Variants in DNM3 observed in about 807,000 individuals in gnomAD.
DNM3 encodes the protein dynamin-3.
A neutral mutation model predicts 101.6 loss-of-function variants in DNM3; 47 were observed. That is an observed-to-expected ratio of 0.46 (90% CI 0.37 to 0.59). The LOEUF is 0.59. Ranked by LOEUF, DNM3 falls within the 20% of genes least tolerant of loss-of-function variation. DNM3 has a pLI of 0.00. For synonymous variants in DNM3, 385 were observed against 387.9 expected, an observed-to-expected ratio of 0.99 and a Z score of 0.09; for missense variants, 849 against 1,085.7, an observed-to-expected ratio of 0.78 and a Z score of 3.06.
rs1051583712 is a variant in DNM3 at position 172,412,568 on chromosome 1, G to C, written c.*4727G>C. 2 of 985,538 alleles carry C rather than the reference G, an allele frequency of 2.0e-6. No homozygotes were observed. Among genetic ancestry groups the C allele is most frequent in the Non-Finnish European group, 2.4e-6 (2 of 829,878 alleles). 61.0% of individuals were successfully genotyped at this position (985,538 alleles called of 1,614,324 possible). The stretch of plus-strand genomic sequence containing the variant: ...TTCCACTGTCTTCTTGGCACTTTCA[G>C]GATTTCTTAATGCTGATATATGGAC... On this transcript the variant is annotated 3_prime_UTR_variant, in exon 21 of 21. Transcript: ENST00000627582.
intron 15 of DNM3, among the ~76,000 whole-genome samples, chr1:172,300,382 T>A (rs2064384120): frequency 6.6e-6 from 1 of 152,198 alleles, no homozygotes; most frequent in Admixed American, 6.5e-5. Context: ...GTCTAGGAGA[T>A]CTTTCGTTTA....
intron 17 of DNM3, among the ~76,000 whole-genome samples, chr1:172,325,457 A>C (rs41481754): frequency 0.55 from 83,293 of 151,786 alleles, 23,839 homozygotes; most frequent in African/African-American, 0.71. Flanking sequence ...GTTATGAATA[A>C]GTGATAGTTT....
intron 2 of DNM3, among the ~76,000 whole-genome samples, chr1:171,935,367 G>A (rs1033201835): frequency 2.0e-5 from 3 of 152,140 alleles, no homozygotes; most frequent in East Asian, 1.9e-4. Context: ...AGGAAATCAC[G>A]TAGTATTGTG....
chr1:172,222,942 A>G (rs537810127), intron 14 of DNM3, among the ~76,000 whole-genome samples: 1 of 152,066 alleles, frequency 6.6e-6, no homozygotes, highest in South Asian at 2.1e-4. Flanking sequence ...TTTAAGTGTT[A>G]TTTTGTTTTT....
At chr1:172,386,914 G>A in intron 18 of DNM3, 1 of 501,492 alleles carries the variant, frequency 2.0e-6, no homozygotes, top group Non-Finnish European at 3.6e-6. Flanking sequence ...ATCCTTCAGT[G>A]TGGACAGCCA....
Position 172,081,897 on chromosome 1 carries a change from C to T in DNM3, c.1488C>T (p.Phe496=), listed in dbSNP as rs761287101. The change falls in exon 12 of 21, where the codon TTC becomes TTT. Residue 496 remains phenylalanine, a synonymous_variant. Transcript: ENST00000627582. ...INTNHEDFIG[F]ANAQQRSSQV... ...CCAACCATGAAGACTTCATTGGCTTCGCAAAGTACGTGAAACACTTGATGG... is the reference window on the plus strand; with the variant it reads ...CCAACCATGAAGACTTCATTGGCTTTGCAAAGTACGTGAAACACTTGATGG... 7.4e-6 allele frequency: 12 copies of T among 1,612,652 alleles called. No individual in the cohort carries two copies. Among genetic ancestry groups the T allele is most frequent in the Admixed American group, 3.3e-5 (2 of 59,872 alleles).
rs1168270400 is a variant in DNM3 at position 172,409,206 on chromosome 1, T to A, written c.*1365T>A. The A allele has an allele frequency of 3.0e-6, 3 of 985,230 alleles. No individual in the cohort carries two copies. The highest frequency in any genetic ancestry group is 3.6e-6 in the Non-Finnish European group (3 of 829,890). 61.0% of individuals were successfully genotyped at this position (985,230 alleles called of 1,614,324 possible). A position where few individuals can be genotyped will look rare whatever the true frequency, so the allele number is the denominator to read the frequency against. On this transcript the variant is annotated 3_prime_UTR_variant, in exon 21 of 21. Transcript: ENST00000627582. ...TGTTCCCAGACAGCAGAGCAAGTATTCACTGAGTAGGGGTGTCCCATGACA... is the reference window on the plus strand; with the variant it reads ...TGTTCCCAGACAGCAGAGCAAGTATACACTGAGTAGGGGTGTCCCATGACA...
intron 14 of DNM3, among the ~76,000 whole-genome samples, chr1:172,218,922 C>T (rs650169): frequency 0.073 from 11,135 of 152,194 alleles, 711 homozygotes; most frequent in South Asian, 0.23. Context: ...CTTCTCATCA[C>T]ACCTTCTTCA....
Position 171,876,761 on chromosome 1 carries a change from T to C in DNM3, c.161+34944T>C, listed in dbSNP as rs2035824328. 2.6e-5 allele frequency among the ~76,000 whole-genome samples: 4 copies of C among 152,226 alleles called. No individual in the cohort carries two copies. The South Asian group carries it at 8.3e-4, about 32-fold the overall frequency. On this transcript the variant is annotated intron_variant, in intron 1 of 20. Transcript: ENST00000627582. ...ACAATTACTACTAAAGTACTGTGTT[T>C]GGGGATGAAAGGTTGTTATTCGAAT...
chr1:172,000,051 G>C (rs941369243), intron 4 of DNM3, among the ~76,000 whole-genome samples: 1 of 152,072 alleles, frequency 6.6e-6, no homozygotes, highest in African/African-American at 2.4e-5. Context: ...AATTAATTCA[G>C]GTGGTGTCTA....
At chr1:172,036,221 G>A (rs1572192626) in intron 6 of DNM3, among the ~76,000 whole-genome samples, 1 of 133,924 alleles carries the variant, frequency 7.5e-6, no homozygotes, top group Non-Finnish European at 1.5e-5. Context: ...TGTTCTCATT[G>A]TTCAATTCCC....
chr1:172,303,827 G>A (rs571607881), intron 15 of DNM3, among the ~76,000 whole-genome samples: 2 of 152,208 alleles, frequency 1.3e-5, no homozygotes, highest in Admixed American at 6.5e-5. Flanking sequence ...ACAAGCAAAT[G>A]CTGAGAGATT....
intron 1 of DNM3, among the ~76,000 whole-genome samples, chr1:171,845,295 C>A (rs925110758): frequency 6.6e-6 from 1 of 152,186 alleles, no homozygotes; most frequent in African/African-American, 2.4e-5. Flanking sequence ...ATGCTTATAA[C>A]CCCAGTATTT....
intron 17 of DNM3, among the ~76,000 whole-genome samples, chr1:172,357,665 A>G (rs1282729549): frequency 1.3e-5 from 2 of 152,116 alleles, no homozygotes; most frequent in East Asian, 3.9e-4. Context: ...TACAATGTCA[A>G]TTTCCTTATC....
intron 14 of DNM3, among the ~76,000 whole-genome samples, chr1:172,195,359 G>T (rs598562): frequency 0.5 from 75,629 of 151,476 alleles, 20,884 homozygotes; most frequent in African/African-American, 0.74. Context: ...CACAATTATG[G>T]CACCTTCAAA....
chr1:172,092,579 A>G (rs1408639511), intron 12 of DNM3, among the ~76,000 whole-genome samples: 1 of 152,198 alleles, frequency 6.6e-6, no homozygotes, highest in Non-Finnish European at 1.5e-5. Flanking sequence ...TATTAATGTT[A>G]CAATGCAGCT....
At chr1:172,358,412 G>C (rs1032535603) in intron 17 of DNM3, among the ~76,000 whole-genome samples, 1 of 152,096 alleles carries the variant, frequency 6.6e-6, no homozygotes, top group African/African-American at 2.4e-5. Context: ...TTTAGAGCTG[G>C]ATGAATTAGG....
At chr1:172,008,514 C>A (rs1417658313) in intron 4 of DNM3, among the ~76,000 whole-genome samples, 2 of 149,398 alleles carry the variant, frequency 1.3e-5, no homozygotes, top group East Asian at 2.0e-4. Context: ...GTTGGCTGTG[C>A]GTGGATTTAT....
At chr1:171,874,925 G>A (rs956324993) in intron 1 of DNM3, among the ~76,000 whole-genome samples, 3 of 151,842 alleles carry the variant, frequency 2.0e-5, no homozygotes, top group Admixed American at 6.6e-5. Flanking sequence ...GCAGTATTTG[G>A]TTTGCTGTTC....
Sources: gnomAD v4.1 joint callset for allele counts (sites outside exome capture counted in the v4.1 genomes callset) on GRCh38, gnomAD v4.1.1 for gene constraint, MANE v1.5 for transcripts, NCBI Gene and HGNC (gene_info 2026-07-23, HGNC 2026-07-21) for gene names.